Variants in MGAT5 observed in about 807,000 individuals in gnomAD.
MGAT5 encodes alpha-1,6-mannosylglycoprotein 6-beta-N-acetylglucosaminyltransferase.
MGAT5 carries 30 observed loss-of-function variants against 94.3 expected under a neutral mutation model. The ratio of observed to expected loss-of-function variants is 0.32; its 90% CI spans 0.24 to 0.43. The LOEUF is 0.43. MGAT5 is among the 20% of genes least tolerant of loss of function. The pLI is 1.00. For missense variants in MGAT5, 691 were observed against 905.5 expected, an observed-to-expected ratio of 0.76 and a Z score of 3.04; for synonymous variants, 310 against 322.9, an observed-to-expected ratio of 0.96 and a Z score of 0.43.
intron 7 of MGAT5, among the ~76,000 whole-genome samples, chr2:134,343,670 C>G (rs943781401): frequency 4.6e-5 from 7 of 152,142 alleles, no homozygotes; most frequent in Non-Finnish European, 1.5e-5. Context: ...GTGATGCCTC[C>G]AGGTAATTTC....
At chr2:134,155,406 C>A (rs1301753474) in intron 1 of MGAT5, among the ~76,000 whole-genome samples, 3 of 152,214 alleles carry the variant, frequency 2.0e-5, no homozygotes, top group Non-Finnish European at 4.4e-5. Context: ...TGAAGTTGGT[C>A]TGATTGTGTT....
intron 14 of MGAT5, among the ~76,000 whole-genome samples, chr2:134,440,001 T>A (rs1685396792): frequency 6.6e-6 from 1 of 152,194 alleles, no homozygotes. Flanking sequence ...AGTAGGCTAC[T>A]CTAGAAGGAC....
chr2:134,170,348 C>T (rs1483463453), intron 1 of MGAT5, among the ~76,000 whole-genome samples: 2 of 152,190 alleles, frequency 1.3e-5, no homozygotes, highest in African/African-American at 4.8e-5. Context: ...GGCGTGGAAT[C>T]AATTCTTTCC....
intron 1 of MGAT5, chr2:134,127,000 C>G (rs933110299): frequency 6.5e-6 from 1 of 153,306 alleles, no homozygotes; most frequent in East Asian, 1.9e-4. Flanking sequence ...AGAGAAAGTA[C>G]CATCTCTGCC....
intron 4 of MGAT5, among the ~76,000 whole-genome samples, chr2:134,325,986 G>T (rs555841271): frequency 6.6e-6 from 1 of 151,086 alleles, no homozygotes; most frequent in Non-Finnish European, 1.5e-5. Context: ...TTATTTCATG[G>T]ATAATGGTAT....
At position 134,349,844 on chromosome 2, in the gene MGAT5, C is replaced by T. The variant is rs766184967; in HGVS notation, c.1152C>T (p.Pro384=). The change falls in exon 9 of 16, where the codon CCC becomes CCT. Residue 384 remains proline (P), a synonymous_variant. Coordinates refer to ENST00000281923, the MANE Select transcript of MGAT5 (RefSeq NM_002410.5). ...TCCTTGATTCATTTGGTACTGAACC[C>T]GAATTTAATCATGCAAATTATGCCC... ...LRVLDSFGTE[P]EFNHANYAQS... 17 of 1,613,380 alleles carry T rather than the reference C, an allele frequency of 1.1e-5. No homozygotes were observed. The highest frequency in any genetic ancestry group is 1.1e-5 in the Non-Finnish European group (13 of 1,179,652).
At chr2:134,221,216 A>G (rs1158061988) in intron 1 of MGAT5, among the ~76,000 whole-genome samples, 1 of 152,148 alleles carries the variant, frequency 6.6e-6, no homozygotes, top group Non-Finnish European at 1.5e-5. Context: ...GCTTGGTTTT[A>G]TGTATTTTAG....
At chr2:134,121,155 G>C (rs1685562399) in intron 1 of MGAT5, among the ~76,000 whole-genome samples, 1 of 152,196 alleles carries the variant, frequency 6.6e-6, no homozygotes, top group Non-Finnish European at 1.5e-5. Context: ...CCTGGCCCCT[G>C]CCTCGCCTCA....
At chr2:134,233,065 A>T (rs1413617403) in intron 1 of MGAT5, among the ~76,000 whole-genome samples, 1 of 152,246 alleles carries the variant, frequency 6.6e-6, no homozygotes, top group Non-Finnish European at 1.5e-5. Context: ...TGAATCCAAG[A>T]TTCAGTTAGC....
At chr2:134,271,772 G>A (rs942117673) in intron 2 of MGAT5, among the ~76,000 whole-genome samples, 4 of 152,170 alleles carry the variant, frequency 2.6e-5, no homozygotes, top group Non-Finnish European at 5.9e-5. Context: ...CATCTAGGCC[G>A]TAAATCCTGT....
intron 1 of MGAT5, among the ~76,000 whole-genome samples, chr2:134,146,644 G>C (rs1205336751): frequency 6.6e-6 from 1 of 152,154 alleles, no homozygotes; most frequent in Non-Finnish European, 1.5e-5. Context: ...TAATGCTGCT[G>C]TTGTTTCTAA....
chr2:134,291,535 C>T (rs934630783), intron 2 of MGAT5, among the ~76,000 whole-genome samples: 1 of 152,084 alleles, frequency 6.6e-6, no homozygotes, highest in East Asian at 1.9e-4. Flanking sequence ...GATGTTTGAA[C>T]CAATATATAA....
intron 1 of MGAT5, among the ~76,000 whole-genome samples, chr2:134,177,579 C>A (rs1156595679): frequency 6.6e-6 from 1 of 152,236 alleles, no homozygotes; most frequent in African/African-American, 2.4e-5. Context: ...TCCCGTTCTT[C>A]TGATTCACTG....
chr2:134,337,213 G>T (rs1688384113), intron 5 of MGAT5, among the ~76,000 whole-genome samples: 1 of 152,222 alleles, frequency 6.6e-6, no homozygotes, highest in African/African-American at 2.4e-5. Flanking sequence ...GGCGGCTCAT[G>T]CCTGTAATTT....
At chr2:134,169,500 G>C (rs997423221) in intron 1 of MGAT5, among the ~76,000 whole-genome samples, 1 of 151,902 alleles carries the variant, frequency 6.6e-6, no homozygotes, top group Admixed American at 6.6e-5. Flanking sequence ...TCACAGCTGA[G>C]TTATAATTAA....
In MGAT5 at chr2:134,300,198, C is replaced by G. The variant is rs368774836; in HGVS notation, c.407-17331C>G. ...AAATAATAAATTCCTGATTACCTTT[C>G]AGATTTCCCTCATTTAGACCATCTT... On this transcript the variant is annotated intron_variant, in intron 2 of 15. Transcript: ENST00000281923. 1.2e-4 allele frequency among the ~76,000 whole-genome samples: 18 copies of G among 152,308 alleles called. No individual in the cohort carries two copies. The East Asian group carries it at 3.3e-3, about 28-fold the overall frequency.
At chr2:134,448,051 G>A (rs1685889798) in intron 15 of MGAT5, among the ~76,000 whole-genome samples, 1 of 152,240 alleles carries the variant, frequency 6.6e-6, no homozygotes, top group African/African-American at 2.4e-5. Flanking sequence ...CATATAACAG[G>A]AATTCTTTAA....
intron 1 of MGAT5, among the ~76,000 whole-genome samples, chr2:134,165,924 A>G (rs1364214602): frequency 6.6e-6 from 1 of 152,208 alleles, no homozygotes; most frequent in Admixed American, 6.5e-5. Flanking sequence ...TCTGAATCTC[A>G]GTTTCTTCTC....
intron 10 of MGAT5, among the ~76,000 whole-genome samples, chr2:134,390,234 AT>A (rs1309630199): frequency 6.6e-6 from 1 of 152,224 alleles, no homozygotes; most frequent in Non-Finnish European, 1.5e-5. Context: ...CATCTCGTGC[AT>A]CCCCTTTTTG....
Sources: gnomAD v4.1 joint callset for allele counts (sites outside exome capture counted in the v4.1 genomes callset) on GRCh38, gnomAD v4.1.1 for gene constraint, MANE v1.5 for transcripts, NCBI Gene and HGNC (gene_info 2026-07-23, HGNC 2026-07-21) for gene names.